ZNF385D: variants seen among roughly 807,000 people sequenced by gnomAD.
ZNF385D encodes the protein zinc finger protein 659.
In ZNF385D, 15 loss-of-function variants were observed where a neutral mutation model predicts 35.8. The observed-to-expected ratio is 0.42, with a 90% CI of 0.28 to 0.64. The LOEUF (loss-of-function observed/expected upper bound fraction) is 0.64, where lower values mean the gene tolerates loss of function less well. ZNF385D is among the 30% of genes least tolerant of loss of function. ZNF385D has a pLI of 0.23. For missense variants in ZNF385D, 474 were observed against 494.6 expected (o/e 0.96, Z 0.39); for synonymous variants, 212 against 186.8 (o/e 1.13, Z -1.10).
intron 3 of ZNF385D, among the ~76,000 whole-genome samples, chr3:22,152,486 G>A (rs1028921759): frequency 6.6e-6 from 1 of 152,138 alleles, no homozygotes; most frequent in Non-Finnish European, 1.5e-5. Context: ...GTGTTGGAAG[G>A]TCTGTGTTCC....
At chr3:21,437,268 A>C (rs1339984983) in intron 4 of ZNF385D, 65 bp from the exon 5 acceptor site, 1 of 1,410,138 alleles carries the variant, frequency 7.1e-7, no homozygotes. Flanking sequence ...CTATTCAGGA[A>C]TGTATCATGA....
At position 21,634,753 on chromosome 3, in the gene ZNF385D, T is replaced by C. The variant is rs147781084; in HGVS notation, c.165+30133A>G. Among the ~76,000 whole-genome samples, 714 of 152,104 alleles carry C rather than the reference T, an allele frequency of 4.7e-3. 6 individuals are homozygous for C. The highest frequency in any genetic ancestry group is 0.015 in the African/African-American group (619 of 41,538). ...CAAACATCCAGCTATTCAAATTAAA[T>C]GGAAATAAGTCAGTGTCCTTAAATG... On this transcript the variant is annotated intron_variant, in intron 2 of 7. Transcript: ENST00000281523.
At chr3:22,038,371 A>C (rs1056447298) in intron 3 of ZNF385D, among the ~76,000 whole-genome samples, 1 of 152,166 alleles carries the variant, frequency 6.6e-6, no homozygotes, top group African/African-American at 2.4e-5. Context: ...TATTATCAGC[A>C]TGTCCTTGGA....
At chr3:22,067,867 C>G (rs1319177154) in intron 3 of ZNF385D, among the ~76,000 whole-genome samples, 1 of 151,966 alleles carries the variant, frequency 6.6e-6, no homozygotes, top group African/African-American at 2.4e-5. Context: ...ACTAAAAATA[C>G]AAAAATTAGC....
At chr3:21,470,456 T>C (rs1459030240) in intron 4 of ZNF385D, among the ~76,000 whole-genome samples, 1 of 152,134 alleles carries the variant, frequency 6.6e-6, no homozygotes, top group Non-Finnish European at 1.5e-5. Context: ...TATATAAACT[T>C]ACAAATAAAC....
chr3:22,218,797 T>A (rs767136426), intron 2 of ZNF385D, among the ~76,000 whole-genome samples: 1 of 152,142 alleles, frequency 6.6e-6, no homozygotes, highest in Non-Finnish European at 1.5e-5. Flanking sequence ...TTCAAGAAGA[T>A]TTTTTAATGT....
At chr3:22,200,771 C>T (rs1696737597) in intron 2 of ZNF385D, among the ~76,000 whole-genome samples, 1 of 152,016 alleles carries the variant, frequency 6.6e-6, no homozygotes, top group Non-Finnish European at 1.5e-5. Context: ...CCCCCAGGCG[C>T]CTATTCTCTT....
chr3:21,786,988 C>A (rs1394845872), intron 3 of ZNF385D, among the ~76,000 whole-genome samples: 4 of 152,136 alleles, frequency 2.6e-5, no homozygotes. Context: ...ACGTGTTTAT[C>A]TTCATTCTTG....
At chr3:22,147,952 G>C (rs1186750703) in intron 3 of ZNF385D, among the ~76,000 whole-genome samples, 1 of 152,262 alleles carries the variant, frequency 6.6e-6, no homozygotes, top group Middle Eastern at 3.4e-3. Flanking sequence ...AAAGTATGAG[G>C]ATTTAGCAAA....
At chr3:21,512,477 A>G (rs1349260688) in intron 3 of ZNF385D, among the ~76,000 whole-genome samples, 1 of 152,210 alleles carries the variant, frequency 6.6e-6, no homozygotes, top group African/African-American at 2.4e-5. Flanking sequence ...GCAATATAAT[A>G]TGTTTTAACA....
intron 3 of ZNF385D, among the ~76,000 whole-genome samples, chr3:22,129,391 G>A (rs546661666): frequency 6.6e-6 from 1 of 152,272 alleles, no homozygotes; most frequent in East Asian, 1.9e-4. Flanking sequence ...AATCCTGCCA[G>A]GACTAAGTCT....
Position 21,446,186 on chromosome 3 carries a change from T to A in ZNF385D, c.440-8983A>T, listed in dbSNP as rs201175133. On this transcript the variant is annotated intron_variant, in intron 4 of 7. Transcript: ENST00000281523. ...TTGCTGCTGATCTGAGAACCACACT[T>A]CAAGAACCACCACTGACAGATCTGC... Among the ~76,000 whole-genome samples the A allele has an allele frequency of 2.4e-4, 37 of 152,254 alleles. No individual in the cohort carries two copies. In the East Asian group the frequency reaches 7.1e-3, roughly 29 times the overall value.
At chr3:22,039,056 A>G (rs1576205568) in intron 3 of ZNF385D, among the ~76,000 whole-genome samples, 1 of 151,772 alleles carries the variant, frequency 6.6e-6, no homozygotes, top group East Asian at 1.9e-4. Context: ...GGCTCTCACT[A>G]TGTAATGTTA....
chr3:21,426,446 GT>G (rs1701030788), intron 5 of ZNF385D, among the ~76,000 whole-genome samples: 1 of 152,030 alleles, frequency 6.6e-6, no homozygotes, highest in Non-Finnish European at 1.5e-5. Flanking sequence ...ACCCATTTGT[GT>G]TTTGTTTTCT....
chr3:22,238,739 T>C (rs1285017801), intron 2 of ZNF385D, among the ~76,000 whole-genome samples: 2 of 150,874 alleles, frequency 1.3e-5, no homozygotes, highest in African/African-American at 4.9e-5. Context: ...TTTTTATATA[T>C]AGATTTTTTT....
rs1359127265 is a variant in ZNF385D at position 22,237,880 on chromosome 3, G to T, written c.107-68845C>A. Among the ~76,000 whole-genome samples the T allele has an allele frequency of 6.9e-5, 10 of 145,480 alleles. No individual in the cohort carries two copies. In the East Asian group the frequency reaches 2.1e-3, roughly 31 times the overall value. The stretch of plus-strand genomic sequence containing the variant: ...GATGGTCTCGATCTCCTGATCTTGT[G>T]ATCTGCCCGCCACAACCTCCCAAAG... On this transcript the variant is annotated intron_variant, in intron 2 of 5. Coordinates refer to the ZNF385D transcript ENST00000494108.
intron 3 of ZNF385D, among the ~76,000 whole-genome samples, chr3:22,162,469 T>A (rs544025642): frequency 2.0e-5 from 3 of 152,116 alleles, no homozygotes; most frequent in Admixed American, 6.6e-5. Context: ...AATCTAACCA[T>A]TTTGAAGTTC....
chr3:21,499,345 GGGGGCCAT>G lies in ZNF385D; in HGVS notation c.439+11508_439+11515del, dbSNP rs199838857. 9.5e-3 allele frequency among the ~76,000 whole-genome samples: 1,452 copies of G among 152,208 alleles called. 29 individuals are homozygous for G. The highest frequency in any genetic ancestry group is 0.032 in the African/African-American group (1,343 of 41,522). On this transcript the variant is annotated intron_variant, in intron 4 of 7. Transcript: ENST00000281523. ...TCTTTGCAGCAATGTGGATGGAGGC[GGGGGCCAT>G]TATCCTAAGCGAACTAACACAGGGA...
intron 2 of ZNF385D, among the ~76,000 whole-genome samples, chr3:22,246,303 G>A (rs761630151): frequency 7.2e-5 from 11 of 151,956 alleles, no homozygotes; most frequent in Non-Finnish European, 4.4e-5. Context: ...AGGATGGCAC[G>A]CAAATTTTTT....
Sources: gnomAD v4.1 joint callset for allele counts (sites outside exome capture counted in the v4.1 genomes callset) on GRCh38, gnomAD v4.1.1 for gene constraint, MANE v1.5 for transcripts, NCBI Gene and HGNC (gene_info 2026-07-23, HGNC 2026-07-21) for gene names.